WDR17: variants seen among roughly 807,000 people sequenced by gnomAD.
WDR17 encodes WD repeat-containing protein 17.
WDR17 carries 143 observed loss-of-function variants against 161.7 expected under a neutral mutation model. The observed-to-expected ratio is 0.88, with a 90% CI of 0.77 to 1.02. The LOEUF (loss-of-function observed/expected upper bound fraction) is 1.02, where lower values mean the gene tolerates loss of function less well. Among genes scored for constraint, WDR17 ranks in the 50% least tolerant of loss-of-function variants. The pLI, the probability that WDR17 is intolerant of heterozygous loss-of-function variation, is 0.00. For synonymous variants in WDR17, 517 were observed against 515.6 expected (o/e 1.00, Z -0.04); for missense variants, 1,469 against 1,520.9 (o/e 0.97, Z 0.57).
chr4:176,097,817 T>A lies in WDR17; in HGVS notation c.-6-13758T>A, dbSNP rs542746543. On this transcript the variant is annotated intron_variant, in intron 1 of 28. Transcript: ENST00000508596. ...ATTGTGTGCAGGAATGGGAACTGAT[T>A]TTAAGAAAAATGCTTTTTAATGAAA... 3.3e-5 allele frequency among the ~76,000 whole-genome samples: 5 copies of A among 151,756 alleles called. No homozygotes were observed. The East Asian group carries it at 9.7e-4, about 29-fold the overall frequency.
intron 23 of WDR17, among the ~76,000 whole-genome samples, chr4:176,171,811 G>T (rs962325487): frequency 2.6e-5 from 4 of 151,800 alleles, no homozygotes; most frequent in African/African-American, 9.7e-5. Context: ...TTATTTTATA[G>T]TAATGAAATT....
intron 2 of WDR17, among the ~76,000 whole-genome samples, chr4:176,112,072 T>G (rs1739856771): frequency 6.6e-6 from 1 of 152,164 alleles, no homozygotes; most frequent in Admixed American, 6.5e-5. Context: ...CCTTATCAGT[T>G]CACAATTTAT....
At chr4:176,130,580 T>C (rs987455240) in intron 6 of WDR17, among the ~76,000 whole-genome samples, 5 of 135,254 alleles carry the variant, frequency 3.7e-5, no homozygotes, top group African/African-American at 1.3e-4. Flanking sequence ...CTGTCTCTAC[T>C]AAAAATACAA....
At chr4:176,083,918 G>A (rs1735082897) in intron 1 of WDR17, among the ~76,000 whole-genome samples, 2 of 152,120 alleles carry the variant, frequency 1.3e-5, no homozygotes, top group South Asian at 2.1e-4. Context: ...CCTTATGACT[G>A]GTGTTATTGA....
intron 1 of WDR17, among the ~76,000 whole-genome samples, chr4:176,066,924 C>G (rs981523242): frequency 6.6e-6 from 1 of 152,106 alleles, no homozygotes; most frequent in Non-Finnish European, 1.5e-5. Flanking sequence ...AGTTGCCGTT[C>G]TTAGCACTCT....
chr4:176,104,389 C>T (rs937753291), intron 1 of WDR17, among the ~76,000 whole-genome samples: 7 of 152,010 alleles, frequency 4.6e-5, no homozygotes, highest in African/African-American at 1.7e-4. Flanking sequence ...GGAAACAATG[C>T]TATTGTTTGT....
In WDR17 at chr4:176,136,716, A is replaced by G. The variant is rs550853013; in HGVS notation, c.1268-804A>G. Among the ~76,000 whole-genome samples, 7 of 151,268 alleles carry G rather than the reference A, an allele frequency of 4.6e-5. No homozygotes were observed. In the East Asian group the frequency reaches 1.2e-3, roughly 25 times the overall value. ...GTATCTTAGTGTAGATACCAGACGA[A>G]AAGAAAAAAAATGCAAATAAATTTT... On this transcript the variant is annotated intron_variant, in intron 8 of 28. Coordinates refer to ENST00000508596, the MANE Select transcript of WDR17 (RefSeq NM_181265.4).
At chr4:176,104,621 G>A (rs1579057711) in intron 1 of WDR17, among the ~76,000 whole-genome samples, 2 of 152,080 alleles carry the variant, frequency 1.3e-5, no homozygotes, top group Admixed American at 1.3e-4. Context: ...TTTTAAAGAA[G>A]CTGAGGTTTT....
intron 21 of WDR17, 138 bp from the exon 22 acceptor site, chr4:176,163,016 G>T (rs1342689129): frequency 9.0e-7 from 1 of 1,109,516 alleles, no homozygotes; most frequent in Non-Finnish European, 1.3e-6. Context: ...TACTTTATAG[G>T]AATATTACAG....
chr4:176,155,922 C>T (rs1481761438), intron 17 of WDR17, among the ~76,000 whole-genome samples, 157 bp from the exon 18 acceptor site: 2 of 151,236 alleles, frequency 1.3e-5, no homozygotes, highest in South Asian at 2.1e-4. Flanking sequence ...TTTAAGACTA[C>T]GGAACAAAAA....
intron 5 of WDR17, among the ~76,000 whole-genome samples, chr4:176,127,045 G>A (rs541265337): frequency 2.0e-5 from 3 of 152,076 alleles, no homozygotes; most frequent in Non-Finnish European, 4.4e-5. Context: ...AGCAGTGTGA[G>A]AACAGACTAA....
chr4:176,170,561 C>T (rs1193385791), intron 23 of WDR17, among the ~76,000 whole-genome samples: 4 of 152,140 alleles, frequency 2.6e-5, no homozygotes, highest in African/African-American at 9.6e-5. Flanking sequence ...GTGATCCACC[C>T]GCCTCAGCCT....
intron 11 of WDR17, among the ~76,000 whole-genome samples, chr4:176,144,329 C>T (rs957085432): frequency 6.6e-6 from 1 of 151,952 alleles, no homozygotes; most frequent in Admixed American, 6.6e-5. Context: ...GCTGTCTCAC[C>T]CTCTGAAATG....
intron 1 of WDR17, among the ~76,000 whole-genome samples, chr4:176,084,214 T>C (rs933375346): frequency 1.1e-4 from 16 of 152,110 alleles, no homozygotes; most frequent in African/African-American, 3.1e-4. Flanking sequence ...ATTAAGCTCA[T>C]GATTCTAATG....
In WDR17 at chr4:176,177,357, T is replaced by C. The variant is rs895778493; in HGVS notation, c.3549-114T>C. 6.2e-5 allele frequency: 68 copies of C among 1,104,564 alleles called. No individual in the cohort carries two copies. In the African/African-American group the frequency reaches 1.1e-3, roughly 17 times the overall value. The allele number at this position is 1,104,564 out of a possible 1,614,324, so 68.4% of individuals were successfully genotyped here. A position where few individuals can be genotyped will look rare whatever the true frequency, so the allele number is the denominator to read the frequency against. On this transcript the variant is annotated intron_variant, in intron 27 of 28. Coordinates refer to ENST00000508596, the MANE Select transcript of WDR17 (RefSeq NM_181265.4). ...TTACTATAAATTAAGTCTAAAGGGA[T>C]TTGTCTCCATCAATAAAGGGGAACT... is the stretch of plus-strand genomic sequence containing the variant.
intron 3 of WDR17, among the ~76,000 whole-genome samples, chr4:176,118,449 A>G (rs183436206): frequency 3.9e-4 from 59 of 152,254 alleles, no homozygotes; most frequent in Non-Finnish European, 6.9e-4. Context: ...TTTCATGTAT[A>G]CATTCATTCA....
At chr4:176,177,186 G>T in intron 27 of WDR17, 30 bp downstream of exon 27, 1 of 1,575,956 alleles carries the variant, frequency 6.3e-7, no homozygotes, top group African/African-American at 1.3e-5. Context: ...AAATTGGAAT[G>T]CAGAAGGTAT....
chr4:176,067,553 T>C (rs1257571199), intron 1 of WDR17, among the ~76,000 whole-genome samples: 2 of 152,254 alleles, frequency 1.3e-5, no homozygotes, highest in African/African-American at 4.8e-5. Context: ...ACGTTAAATA[T>C]GCTTACTTGA....
intron 1 of WDR17, among the ~76,000 whole-genome samples, chr4:176,089,203 T>A (rs1437551688): frequency 6.6e-6 from 1 of 151,234 alleles, no homozygotes; most frequent in Non-Finnish European, 1.5e-5. Context: ...CTCATTAGCA[T>A]AATTAGCATA....
Sources: allele counts gnomAD v4.1 joint callset (sites outside exome capture counted in the v4.1 genomes callset), GRCh38; gene constraint gnomAD v4.1.1; transcripts MANE v1.5; gene names NCBI Gene and HGNC (gene_info 2026-07-23, HGNC 2026-07-21).